The following ACAA2 variants were observed in gnomAD, a reference collection of about 807,000 sequenced individuals.
The protein encoded by ACAA2 is acetyl-CoA acyltransferase 2.
ACAA2 carries 35 observed loss-of-function variants against 44.8 expected under a neutral mutation model. The observed-to-expected ratio is 0.78, with a 90% CI of 0.60 to 1.04. ACAA2 has a LOEUF of 1.04. ACAA2 is among the 50% of genes least tolerant of loss of function. The probability of loss-of-function intolerance (pLI) is 0.00; values close to 1 mark genes in which losing one functional copy is unlikely to be tolerated. For synonymous variants in ACAA2, 142 were observed against 166.5 expected, an observed-to-expected ratio of 0.85 and a Z score of 1.13; for missense variants, 468 against 482.6, an observed-to-expected ratio of 0.97 and a Z score of 0.28.
chr18:49,803,385 C>G lies in ACAA2; in HGVS notation c.17-532G>C, dbSNP rs189639468. Among the ~76,000 whole-genome samples, 103 of 152,188 alleles carry G rather than the reference C, an allele frequency of 6.8e-4. 3 individuals are homozygous for G. The East Asian group carries it at 0.019, about 28-fold the overall frequency. On this transcript the variant is annotated intron_variant, in intron 1 of 9. Transcript: ENST00000285093. ...TCTGTAAGCTAATGCATGTAGCCCC[C>G]AGTCACGTTCCCCACACTTGCTTGA...
chr18:49,783,977 G>C (rs769177487), intron 9 of ACAA2, 46 bp from the exon 10 acceptor site: 5 of 1,494,136 alleles, frequency 3.3e-6, no homozygotes, highest in Middle Eastern at 1.7e-4. Context: ...TAAAAAATCA[G>C]ATTAATGAAA....
intron 1 of ACAA2, among the ~76,000 whole-genome samples, chr18:49,809,439 T>TAAG: frequency 6.6e-6 from 1 of 152,350 alleles, no homozygotes; most frequent in Non-Finnish European, 1.5e-5. Context: ...GCCACAGCTC[T>TAAG]AGCCGGTCCC....
chr18:49,786,484 G>A (rs2023330682), intron 8 of ACAA2: 2 of 152,146 alleles, frequency 1.3e-5, no homozygotes, highest in South Asian at 4.1e-4. Flanking sequence ...TGCTAAAAGT[G>A]GAAGAGATTT....
At chr18:49,786,020 TACTTC>T (rs2023324922) in intron 8 of ACAA2, 1 of 149,988 alleles carries the variant, frequency 6.7e-6, no homozygotes, top group Non-Finnish European at 1.5e-5. Flanking sequence ...GCAATTACCT[TACTTC>T]AAGTTTACAG....
At chr18:49,785,062 A>T (rs2023312025) in intron 9 of ACAA2, 135 bp downstream of exon 9, 3 of 1,071,330 alleles carry the variant, frequency 2.8e-6, no homozygotes, top group Non-Finnish European at 4.0e-6. Context: ...CTGCCCAAGT[A>T]ACTTGTTCCT....
Position 49,813,494 on chromosome 18 carries a change from T to C in ACAA2, c.-10A>G. 8.1e-7 allele frequency: 1 copy of C among 1,241,284 alleles called. No homozygotes were observed. The highest frequency in any genetic ancestry group is 1.0e-6 in the Non-Finnish European group (1 of 988,032). The allele number at this position is 1,241,284 out of a possible 1,614,324, so 76.9% of individuals were successfully genotyped here. A position where few individuals can be genotyped will look rare whatever the true frequency, so the allele number is the denominator to read the frequency against. On this transcript the variant is annotated 5_prime_UTR_variant, in exon 1 of 10. Coordinates refer to ENST00000285093, the MANE Select transcript of ACAA2 (RefSeq NM_006111.3). Reference sequence around the variant, plus strand: ...CTCGGAGCAGAGCCATGGCGGCTGCTGGGTCGTCGGCGGCGCGGGTCTGTG... The same window carrying C: ...CTCGGAGCAGAGCCATGGCGGCTGCCGGGTCGTCGGCGGCGCGGGTCTGTG...
At chr18:49,794,191 T>TAAAC (rs1352152993) in intron 5 of ACAA2, 89 bp downstream of exon 5, 11 of 938,024 alleles carry the variant, frequency 1.2e-5, no homozygotes, top group Non-Finnish European at 1.4e-5. Context: ...GTATGATTTG[T>TAAAC]AAATATTATA....
At chr18:49,806,137 C>T (rs1438771790) in intron 1 of ACAA2, among the ~76,000 whole-genome samples, 2 of 152,068 alleles carry the variant, frequency 1.3e-5, no homozygotes, top group African/African-American at 2.4e-5. Flanking sequence ...GGTAAGTGTC[C>T]AATTTATTTA....
chr18:49,808,051 T>C (rs1054285687), intron 1 of ACAA2, among the ~76,000 whole-genome samples: 13 of 149,428 alleles, frequency 8.7e-5, no homozygotes, highest in Admixed American at 7.3e-4. Flanking sequence ...GATACCTTAC[T>C]AAAGAAGATA....
Position 49,783,138 on chromosome 18 carries a change from G to A in ACAA2, c.*709C>T, listed in dbSNP as rs1042331579. On this transcript the variant is annotated 3_prime_UTR_variant, in exon 10 of 10. Transcript: ENST00000285093. ...TAAAAAGAAGGAAATTCTGACACAT[G>A]CTACACCATAAGGTGGATGAATCTT... is the stretch of plus-strand genomic sequence containing the variant. 1.3e-5 allele frequency: 2 copies of A among 152,202 alleles called. No homozygotes were observed. Among genetic ancestry groups the A allele is most frequent in the Non-Finnish European group, 2.9e-5 (2 of 68,048 alleles). The allele number at this position is 152,202 out of a possible 1,614,324, so 9.4% of individuals were successfully genotyped here.
At chr18:49,787,485 A>ATCTT (rs1439413071) in intron 7 of ACAA2, 124 bp from the exon 8 acceptor site, 1 of 667,652 alleles carries the variant, frequency 1.5e-6, no homozygotes, top group Non-Finnish European at 2.3e-6. Context: ...GTAGCCACAA[A>ATCTT]TCTTACTACC....
At chr18:49,801,810 A>ATATATATATCTC (rs1163274955) in intron 2 of ACAA2, among the ~76,000 whole-genome samples, 54 of 144,986 alleles carry the variant, frequency 3.7e-4, no homozygotes, top group African/African-American at 1.3e-3. Flanking sequence ...ATATATATAT[A>ATATATATATCTC]TATATCTTAT....
chr18:49,796,298 T>G (rs2023464045), intron 3 of ACAA2, among the ~76,000 whole-genome samples: 1 of 152,192 alleles, frequency 6.6e-6, no homozygotes, highest in Non-Finnish European at 1.5e-5. Context: ...TTACAAGAAC[T>G]AGTTCAATCT....
chr18:49,812,520 C>T (rs1280323595), intron 1 of ACAA2, among the ~76,000 whole-genome samples: 1 of 152,130 alleles, frequency 6.6e-6, no homozygotes, highest in Non-Finnish European at 1.5e-5. Flanking sequence ...CAACTCATCC[C>T]TCCCCTTTTC....
In ACAA2 at chr18:49,791,570, G is replaced by A. The variant is rs2023399859; in HGVS notation, c.783C>T (p.Ile261=). The change falls in exon 7 of 10, where the codon ATC becomes ATT. Residue 261 remains isoleucine (I), a synonymous_variant. Transcript: ENST00000285093. ...SGVADGAGAV[I]IASEDAVKKH... The stretch of plus-strand genomic sequence containing the variant: ...TCTTAACAGCATCTTCACTAGCTAT[G>A]ATAACAGCTCCAGCACCATCAGCTA... 1.2e-6 allele frequency: 2 copies of A among 1,613,272 alleles called. No homozygotes were observed. The highest frequency in any genetic ancestry group is 1.7e-5 in the Admixed American group (1 of 59,998).
chr18:49,800,056 C>T (rs183716438), intron 2 of ACAA2, among the ~76,000 whole-genome samples: 12,355 of 150,600 alleles, frequency 0.082, 646 homozygotes, highest in East Asian at 0.15. Context: ...CGTCTCCGCC[C>T]GGCAACCACG....
At position 49,785,277 on chromosome 18, in the gene ACAA2, C is replaced by T; in HGVS notation, c.1029G>A (p.Val343=). Residue 343 remains valine (V), a synonymous_variant, in exon 9 of 10, where the codon GTG becomes GTA. Coordinates refer to ENST00000285093, the MANE Select transcript of ACAA2 (RefSeq NM_006111.3). ...SLDLDISKTN[V]NGGAIALGHP... ...GACCCAAAGCAATGGCTCCTCCATT[C>T]ACATTGGTTTTACTTATGTCAAGAT... 6.2e-7 allele frequency: 1 copy of T among 1,614,136 alleles called. No homozygotes were observed. The highest frequency in any genetic ancestry group is 8.5e-7 in the Non-Finnish European group (1 of 1,179,972).
intron 9 of ACAA2, among the ~76,000 whole-genome samples, 181 bp from the exon 10 acceptor site, chr18:49,784,112 TAATCAAAAA>T (rs2023298344): frequency 7.2e-6 from 1 of 139,818 alleles, no homozygotes; most frequent in African/African-American, 2.7e-5. Context: ...TGAAAGTTTT[TAATCAAAAA>T]AAACAAAAAA....
chr18:49,786,179 C>CATAT (rs981593541), intron 8 of ACAA2: 2 of 152,158 alleles, frequency 1.3e-5, no homozygotes, highest in Non-Finnish European at 1.5e-5. Flanking sequence ...GATGGTGCCT[C>CATAT]ATATGTGCTT....
Sources: allele counts gnomAD v4.1 joint callset (sites outside exome capture counted in the v4.1 genomes callset), GRCh38; gene constraint gnomAD v4.1.1; transcripts MANE v1.5; gene names NCBI Gene and HGNC (gene_info 2026-07-23, HGNC 2026-07-21).